ALDH18A1: variants seen among roughly 807,000 people sequenced by gnomAD.
The protein encoded by ALDH18A1 is delta-1-pyrroline-5-carboxylate synthase.
Under a neutral mutation model 88.8 loss-of-function variants are expected in ALDH18A1, and 44 were observed. That is an observed-to-expected ratio of 0.50 (90% confidence interval 0.39 to 0.64). The LOEUF (loss-of-function observed/expected upper bound fraction) is 0.64, where lower values mean the gene tolerates loss of function less well. ALDH18A1 is among the 30% of genes least tolerant of loss of function. The pLI is 0.00. For missense variants in ALDH18A1, 782 were observed against 1,009.5 expected (o/e 0.77, Z 3.05); for synonymous variants, 331 against 372.1 (o/e 0.89, Z 1.27).
chr10:95,616,383 G>A (rs2097844215), intron 13 of ALDH18A1, 94 bp downstream of exon 13: 1 of 1,498,874 alleles, frequency 6.7e-7, no homozygotes, highest in African/African-American at 1.4e-5. Flanking sequence ...TTGTAGTAGT[G>A]TCTTGGCTCT....
At chr10:95,626,899 G>A in intron 9 of ALDH18A1, 123 bp from the exon 10 acceptor site, 1 of 948,032 alleles carries the variant, frequency 1.1e-6, no homozygotes, top group Admixed American at 2.0e-5. Context: ...AACACATGAT[G>A]TCTTGGTATG....
At chr10:95,641,467 T>C (rs2097891281) in intron 3 of ALDH18A1, among the ~76,000 whole-genome samples, 1 of 150,926 alleles carries the variant, frequency 6.6e-6, no homozygotes, top group African/African-American at 2.4e-5. Context: ...GGGAGGTGGG[T>C]TTGATCATTG....
intron 2 of ALDH18A1, among the ~76,000 whole-genome samples, chr10:95,648,079 A>G (rs7092594): frequency 0.66 from 100,719 of 152,070 alleles, 33,745 homozygotes; most frequent in East Asian, 0.74. Context: ...ACTTGAAGCC[A>G]GTCAGTCAGA....
At position 95,637,159 on chromosome 10, in the gene ALDH18A1, G is replaced by A. The variant is rs150472102; in HGVS notation, c.492C>T (p.Ala164=). Reference sequence around the variant, plus strand: ...ACAAGGCCATCAGCCCACTCTGTCCGGCAGCTGCACAGGCTCGTGCCTCTA... The same window carrying A: ...ACAAGGCCATCAGCCCACTCTGTCCAGCAGCTGCACAGGCTCGTGCCTCTA... The part of the protein sequence containing the change: ...PVLEARACAA[A]GQSGLMALYE... The change falls in exon 5 of 18, where the codon GCC becomes GCT. Residue 164 remains alanine (A), a synonymous_variant. Transcript: ENST00000371224. The A allele has an allele frequency of 3.4e-4, 542 of 1,614,164 alleles. 1 individual carries two copies. Among genetic ancestry groups the A allele is most frequent in the Middle Eastern group, 2.3e-3 (14 of 6,060 alleles).
intron 3 of ALDH18A1, 128 bp downstream of exon 3, chr10:95,642,864 A>G (rs1428107029): frequency 6.9e-6 from 7 of 1,014,930 alleles, no homozygotes; most frequent in Non-Finnish European, 1.0e-5. Context: ...CAGTTTTCAC[A>G]TTGGGTTAAA....
intron 3 of ALDH18A1, among the ~76,000 whole-genome samples, chr10:95,641,826 A>G (rs966456245): frequency 1.6e-4 from 24 of 151,326 alleles, no homozygotes; most frequent in Admixed American, 7.9e-4. Context: ...ATTTTTGTAG[A>G]GATGGGGGTC....
chr10:95,611,435 A>T lies in ALDH18A1; in HGVS notation c.1931T>A (p.Ile644Asn), dbSNP rs761744291. ...IDMLRVEQVK[I>N]HAGPKFASYL... ...GGAGGCAAATTTGGGGCCTGCATGAATTTTTACCTGGAACAGAGGAAGTCC... is the reference window on the plus strand; with the variant it reads ...GGAGGCAAATTTGGGGCCTGCATGATTTTTTACCTGGAACAGAGGAAGTCC... Residue 644 changes from isoleucine (I) to asparagine (N), a missense_variant, in exon 16 of 18, where the codon ATT becomes AAT. Around this residue, in one of 3 missense-constraint regions of ALDH18A1, gnomAD observed 556 missense variants for 654.5 expected, o/e 0.85. Transcript: ENST00000371224. 1.2e-6 allele frequency: 2 copies of T among 1,614,140 alleles called. No homozygotes were observed. The highest frequency in any genetic ancestry group is 2.2e-5 in the South Asian group (2 of 91,088).
Position 95,609,769 on chromosome 10 carries a change from A to ATTTT in ALDH18A1, c.2206+424_2206+427dup, listed in dbSNP as rs55659918. Among the ~76,000 whole-genome samples, 520 of 114,212 alleles carry ATTTT rather than the reference A, an allele frequency of 4.6e-3. 55 individuals carry two copies. Among genetic ancestry groups the ATTTT allele is most frequent in the African/African-American group, 0.015 (423 of 29,102 alleles). The allele number at this position is 114,212 out of a possible 152,430, so 74.9% of individuals were successfully genotyped here. ...CCTACCTTGCCAGAAGTCTGTCTCT[A>ATTTT]TTTTTTTTTTTTTTTTGAGATGGTG... On this transcript the variant is annotated intron_variant, in intron 17 of 17. Transcript: ENST00000371224.
At chr10:95,625,001 G>A (rs552203420) in intron 11 of ALDH18A1, among the ~76,000 whole-genome samples, 1 of 152,306 alleles carries the variant, frequency 6.6e-6, no homozygotes, top group South Asian at 2.1e-4. Context: ...ATGACATCCT[G>A]ACTGCATAGC....
Position 95,626,780 on chromosome 10 carries a change from C to T in ALDH18A1, c.1079-4G>A, listed in dbSNP as rs776244352. On this transcript the variant is annotated splice_region_variant and splice_polypyrimidine_tract_variant and intron_variant, in intron 9 of 17. Transcript: ENST00000371224. ...CCCTGCTGCTCAACAGTAGGGCCTG[C>T]AAGAATATGTGCAAATATCAGGTCA... The T allele has an allele frequency of 6.2e-7, 1 of 1,613,910 alleles. No homozygotes were observed. The highest frequency in any genetic ancestry group is 8.5e-7 in the Non-Finnish European group (1 of 1,179,828).
intron 9 of ALDH18A1, 92 bp downstream of exon 9, chr10:95,627,350 T>C: frequency 6.6e-7 from 1 of 1,520,286 alleles, no homozygotes; most frequent in South Asian, 1.1e-5. Flanking sequence ...CCATATTTCA[T>C]AATATTAGCA....
At chr10:95,616,657 G>A (rs755092360) in intron 12 of ALDH18A1, 43 bp from the exon 13 acceptor site, 6 of 1,583,408 alleles carry the variant, frequency 3.8e-6, no homozygotes, top group South Asian at 3.5e-5. Context: ...GAGACAAACA[G>A]TAATAGCAAC....
chr10:95,614,234 T>C, intron 13 of ALDH18A1, 73 bp from the exon 14 acceptor site: 1 of 1,468,292 alleles, frequency 6.8e-7, no homozygotes, highest in East Asian at 2.3e-5. Flanking sequence ...AGCTTCCCTT[T>C]TACAGATAAA....
intron 1 of ALDH18A1, among the ~76,000 whole-genome samples, chr10:95,656,070 A>C (rs2139677862): frequency 6.6e-6 from 1 of 152,274 alleles, no homozygotes; most frequent in Non-Finnish European, 1.5e-5. Flanking sequence ...GCCATACTGC[A>C]AAGGGAGTCT....
At chr10:95,608,945 G>A (rs958363252) in intron 17 of ALDH18A1, among the ~76,000 whole-genome samples, 1 of 151,888 alleles carries the variant, frequency 6.6e-6, no homozygotes, top group African/African-American at 2.4e-5. Flanking sequence ...GTGCGGTCTC[G>A]GCTCACTGCA....
chr10:95,607,022 T>C (rs1456682525), intron 17 of ALDH18A1, 79 bp from the exon 18 acceptor site: 2 of 1,442,726 alleles, frequency 1.4e-6, no homozygotes, highest in Middle Eastern at 2.4e-4. Context: ...ACCCTGCTGC[T>C]TTCCCCTCAC....
rs371294018 is a variant in ALDH18A1 at position 95,627,493 on chromosome 10, T to C, written c.1027A>G (p.Ile343Val). ...GTACCAACTTTCTTCCCCTCCACAATGTCTGTGATGACGTGCCCAGACACC... is the reference window on the plus strand; with the variant it reads ...GTACCAACTTTCTTCCCCTCCACAACGTCTGTGATGACGTGCCCAGACACC... ...PKVSGHVITD[I>V]VEGKKVGTFF... The change falls in exon 9 of 18, where the codon ATT (isoleucine) becomes GTT (valine). Residue 343 changes from isoleucine (I) to valine (V), a missense_variant. Coordinates refer to ENST00000371224, the MANE Select transcript of ALDH18A1 (RefSeq NM_002860.4). 2.2e-5 allele frequency: 35 copies of C among 1,614,036 alleles called. No individual in the cohort carries two copies. The highest frequency in any genetic ancestry group is 2.9e-5 in the Non-Finnish European group (34 of 1,179,996).
intron 17 of ALDH18A1, among the ~76,000 whole-genome samples, chr10:95,609,769 A>ATTTTTTTTTTTTTTTTTTTTTTTTTT (rs55659918): frequency 8.8e-6 from 1 of 114,266 alleles, no homozygotes; most frequent in Non-Finnish European, 1.7e-5. Flanking sequence ...GTCTGTCTCT[A>ATTTTTTTTTTTTTTTTTTTTTTTTTT]TTTTTTTTTT....
Position 95,631,763 on chromosome 10 carries a change from A to AAAC in ALDH18A1, c.808+1193_808+1195dup, listed in dbSNP as rs1253508185. On this transcript the variant is annotated intron_variant, in intron 7 of 17. Transcript: ENST00000371224. The stretch of plus-strand genomic sequence containing the variant: ...GCCTCAAAAAAAAAAAAAAAAAAAA[A>AAAC]AACAACTGAATAACAGCAATGATGT... Among the ~76,000 whole-genome samples, 115 of 149,574 alleles carry AAAC rather than the reference A, an allele frequency of 7.7e-4. 1 individual carries two copies. The highest frequency in any genetic ancestry group is 1.0e-3 in the South Asian group (5 of 4,762).
Sources: gnomAD v4.1 joint callset for allele counts (sites outside exome capture counted in the v4.1 genomes callset) on GRCh38, gnomAD v4.1.1 for gene constraint, gnomAD v4.1.1 regional missense constraint, MANE v1.5 for transcripts, NCBI Gene and HGNC (gene_info 2026-07-23, HGNC 2026-07-21) for gene names.